RUBCN: variants seen among roughly 807,000 people sequenced by gnomAD.
RUBCN encodes the protein run domain Beclin-1-interacting and cysteine-rich domain-containing protein.
Under a neutral mutation model 113.2 loss-of-function variants are expected in RUBCN, and 74 were observed. That is an observed-to-expected ratio of 0.65 (90% CI 0.54 to 0.79). RUBCN has a LOEUF of 0.79. RUBCN is among the 30% of genes least tolerant of loss of function. RUBCN has a pLI of 0.00. For synonymous variants in RUBCN, 480 were observed against 490.0 expected, an observed-to-expected ratio of 0.98 and a Z score of 0.27; for missense variants, 1,109 against 1,251.7, an observed-to-expected ratio of 0.89 and a Z score of 1.72.
rs1411389188 is a variant in RUBCN at position 197,736,683 on chromosome 3, C to A, written c.37G>T (p.Gly13Cys). 2 of 1,532,182 alleles carry A rather than the reference C, an allele frequency of 1.3e-6. No individual in the cohort carries two copies. Among genetic ancestry groups the A allele is most frequent in the South Asian group, 1.2e-5 (1 of 83,882 alleles). The allele number at this position is 1,532,182 out of a possible 1,614,324, so 94.9% of individuals were successfully genotyped here. The change falls in exon 1 of 20, where the codon GGC becomes TGC. Residue 13 changes from glycine to cysteine, a missense_variant. Gly to Cys is a radical substitution (Grantham distance 159, BLOSUM62 -3). This residue lies in a region of RUBCN where 736 missense variants were observed against 779.6 expected (regional missense o/e 0.94). Transcript: ENST00000296343. ...CTCTCCTCAGGCAGGCGCTCCTCGC[C>A]GCCTCCGAGCTCCATTCCCGCGCCC... ...PEGAGMELGG[G>C]EERLPEESRR... is the part of the protein sequence containing the mutation.
chr3:197,675,188 C>T lies in RUBCN; in HGVS notation c.2749G>A (p.Ala917Thr), dbSNP rs1365459782. The change falls in exon 20 of 20, where the codon GCG becomes ACG. Residue 917 changes from alanine to threonine, a missense_variant. Ala to Thr is a moderately conservative substitution (Grantham distance 58). Transcript: ENST00000296343. The surrounding 1 kb of genome is among the most constrained non-coding windows in gnomAD (Gnocchi z 4.4). The part of the protein sequence containing the change: ...HKCRTCEECK[A>T]CYHKACFKSG... ...TTGAAGCAGGCTTTATGGTAACACGCTTTACACTCTACTCAGGTTGGGAAG... is the reference window on the plus strand; with the variant it reads ...TTGAAGCAGGCTTTATGGTAACACGTTTTACACTCTACTCAGGTTGGGAAG... 3.2e-5 allele frequency: 51 copies of T among 1,613,968 alleles called. No individual in the cohort carries two copies. The highest frequency in any genetic ancestry group is 4.2e-5 in the Non-Finnish European group (50 of 1,180,044).
At position 197,675,354 on chromosome 3, in the gene RUBCN, G is replaced by C. The variant is rs993816078; in HGVS notation, c.2740+68C>G. On this transcript the variant is annotated intron_variant, in intron 19 of 19. Transcript: ENST00000296343. The surrounding 1 kb of genome is among the most constrained non-coding windows in gnomAD (Gnocchi z 4.4). ...GTGGCACCGAACTCTTGCTAACAGG[G>C]GTGGCTCTGGGGAATCAAGGAGCCC... is the stretch of plus-strand genomic sequence containing the variant. The C allele has an allele frequency of 1.3e-6, 2 of 1,518,674 alleles. No homozygotes were observed. Among genetic ancestry groups the C allele is most frequent in the East Asian group, 2.2e-5 (1 of 44,458 alleles). The allele number at this position is 1,518,674 out of a possible 1,614,324, so 94.1% of individuals were successfully genotyped here. A position where few individuals can be genotyped will look rare whatever the true frequency, so the allele number is the denominator to read the frequency against.
At chr3:197,706,228 C>G (rs1007008566) in intron 2 of RUBCN, among the ~76,000 whole-genome samples, 6 of 152,162 alleles carry the variant, frequency 3.9e-5, no homozygotes, top group Admixed American at 2.6e-4. Context: ...ATGCCCAGAC[C>G]AGATGAAATG....
chr3:197,677,677 C>G (rs1478266006), intron 16 of RUBCN, 136 bp from the exon 17 acceptor site: 2 of 734,434 alleles, frequency 2.7e-6, no homozygotes, highest in Non-Finnish European at 4.8e-6. Context: ...GTCCTACGCT[C>G]TGACAACTGG....
chr3:197,716,191 G>C lies in RUBCN; in HGVS notation c.219+1786C>G, dbSNP rs185032963. Among the ~76,000 whole-genome samples, 6 of 152,246 alleles carry C rather than the reference G, an allele frequency of 3.9e-5. No individual in the cohort carries two copies. In the South Asian group the frequency reaches 1.2e-3, roughly 32 times the overall value. ...CGCTCAGGCTGGAGCGCGGTGGCACGGTCTCAGCTCACTGCAGCCTCCGCC... is the reference window on the plus strand; with the variant it reads ...CGCTCAGGCTGGAGCGCGGTGGCACCGTCTCAGCTCACTGCAGCCTCCGCC... On this transcript the variant is annotated intron_variant, in intron 2 of 19. Coordinates refer to ENST00000296343, the MANE Select transcript of RUBCN (RefSeq NM_014687.4).
chr3:197,696,779 G>C (rs557065655), intron 8 of RUBCN, among the ~76,000 whole-genome samples, 175 bp downstream of exon 8: 2 of 144,390 alleles, frequency 1.4e-5, no homozygotes, highest in East Asian at 4.2e-4. Flanking sequence ...CAAGAGAAAT[G>C]GCAGAGCAGT....
intron 11 of RUBCN, among the ~76,000 whole-genome samples, chr3:197,684,635 CTCTG>C (rs1721628155): frequency 6.6e-6 from 1 of 151,794 alleles, no homozygotes; most frequent in South Asian, 2.1e-4. Flanking sequence ...TAGGCAGTAA[CTCTG>C]TCTGGCTTAT....
rs1040713421 is a variant in RUBCN, at chr3:197,681,457, G to A, written c.2192-90C>T. The A allele has an allele frequency of 1.0e-6, 1 of 998,206 alleles. No homozygotes were observed. The highest frequency in any genetic ancestry group is 1.8e-5 in the Admixed American group (1 of 54,518). 61.8% of individuals were successfully genotyped at this position (998,206 alleles called of 1,614,324 possible). On this transcript the variant is annotated intron_variant, in intron 15 of 19. Coordinates refer to ENST00000296343, the MANE Select transcript of RUBCN (RefSeq NM_014687.4). The surrounding 1 kb of genome is among the most constrained non-coding windows in gnomAD (Gnocchi z 5.5). ...TCTGCTTTTCCCTTGAAAGGGCAGA[G>A]AGGGACAGCCAATGGCCTCCAGCAA...
chr3:197,725,441 T>C (rs1019323493), intron 1 of RUBCN, among the ~76,000 whole-genome samples: 1 of 151,650 alleles, frequency 6.6e-6, no homozygotes, highest in Non-Finnish European at 1.5e-5. Flanking sequence ...GACTCTCTTA[T>C]ATAGTCTCTC....
chr3:197,692,289 G>T (rs1722509221), intron 11 of RUBCN, among the ~76,000 whole-genome samples: 1 of 151,940 alleles, frequency 6.6e-6, no homozygotes, highest in Admixed American at 6.6e-5. Context: ...GACACCACGG[G>T]GGCAGGACGA....
rs1725274605 is a variant in RUBCN at position 197,714,272 on chromosome 3, T to G, written c.219+3705A>C. ...TAGGTTCTAACTGACTCCAAAGACT[T>G]TTGTCAGTCTATGATACAATGTTGC... On this transcript the variant is annotated intron_variant, in intron 2 of 19. Transcript: ENST00000296343. Among the ~76,000 whole-genome samples the G allele has an allele frequency of 1.3e-5, 2 of 152,090 alleles. 1 individual carries two copies. Among genetic ancestry groups the G allele is most frequent in the South Asian group, 4.1e-4 (2 of 4,824 alleles).
At position 197,681,616 on chromosome 3, in the gene RUBCN, A is replaced by T. The variant is rs1721248953; in HGVS notation, c.2191+219T>A. Among the ~76,000 whole-genome samples the T allele has an allele frequency of 1.3e-5, 2 of 152,196 alleles. No homozygotes were observed. Among genetic ancestry groups the T allele is most frequent in the Non-Finnish European group, 2.9e-5 (2 of 68,030 alleles). ...GATCCCGCCTTACCAGCTAGCTGGA[A>T]CTACCCAACTTTCCACAGGATACAA... On this transcript the variant is annotated intron_variant, in intron 15 of 19. Transcript: ENST00000296343. This position sits in a 1 kb window ranked among gnomAD's most constrained non-coding sequence, Gnocchi z 5.5.
chr3:197,736,814 C>T lies in RUBCN; in HGVS notation c.-95G>A. 1.4e-6 allele frequency: 2 copies of T among 1,442,286 alleles called. No individual in the cohort carries two copies. Among genetic ancestry groups the T allele is most frequent in the Non-Finnish European group, 1.8e-6 (2 of 1,106,788 alleles). The allele number at this position is 1,442,286 out of a possible 1,614,324, so 89.3% of individuals were successfully genotyped here. ...GGCCCCCTGGGGCCGGAGGAGGCAC[C>T]TGCGGCCGGTGGGCTCCGGGTGATG... On this transcript the variant is annotated 5_prime_UTR_variant, in exon 1 of 20. Coordinates refer to ENST00000296343, the MANE Select transcript of RUBCN (RefSeq NM_014687.4).
At chr3:197,734,785 A>G (rs1330279313) in intron 1 of RUBCN, among the ~76,000 whole-genome samples, 3 of 152,232 alleles carry the variant, frequency 2.0e-5, no homozygotes, top group South Asian at 2.1e-4. Context: ...AGACATCTGC[A>G]GGAAGAATAA....
In RUBCN at chr3:197,701,130, G is replaced by T. The variant is rs754449374; in HGVS notation, c.744C>A (p.Ser248=). The T allele has an allele frequency of 6.4e-7, 1 of 1,552,000 alleles. No homozygotes were observed. Among genetic ancestry groups the T allele is most frequent in the Admixed American group, 1.9e-5 (1 of 51,832 alleles). Residue 248 remains serine, a synonymous_variant, in exon 7 of 20, where the codon TCC becomes TCA. Coordinates refer to ENST00000296343, the MANE Select transcript of RUBCN (RefSeq NM_014687.4). The stretch of plus-strand genomic sequence containing the variant: ...TCCGGGGAGGGCCAGAGAGTGGAAA[G>T]GAAGTAGATCTTCTCTCTAGAATAT... ...PNNGSERRST[S]FPLSGPPRKP...
intron 11 of RUBCN, among the ~76,000 whole-genome samples, chr3:197,686,536 C>T (rs1721871073): frequency 6.6e-6 from 1 of 152,222 alleles, no homozygotes; most frequent in Non-Finnish European, 1.5e-5. Context: ...GCCTGCGCTG[C>T]AGCCCTCATC....
intron 1 of RUBCN, among the ~76,000 whole-genome samples, chr3:197,743,085 G>A (rs2109023734): frequency 6.6e-6 from 1 of 152,352 alleles, no homozygotes; most frequent in East Asian, 1.9e-4. Context: ...ACACAGAACT[G>A]ATGCTCAGGG....
At chr3:197,737,932 A>G (rs915925692), upstream of RUBCN, among the ~76,000 whole-genome samples, 7 of 152,144 alleles carry the variant, frequency 4.6e-5, no homozygotes, top group African/African-American at 1.7e-4. Context: ...TCTGTCGCCC[A>G]GGCTGGGGTG....
chr3:197,715,934 T>G (rs1006818997), intron 2 of RUBCN, among the ~76,000 whole-genome samples: 1 of 152,204 alleles, frequency 6.6e-6, no homozygotes, highest in Non-Finnish European at 1.5e-5. Context: ...GGGAACAAGA[T>G]GAAAATTCTA....
Sources: gnomAD v4.1 joint callset for allele counts (sites outside exome capture counted in the v4.1 genomes callset) on GRCh38, gnomAD v4.1.1 for gene constraint, gnomAD v4.1.1 regional missense constraint, Gnocchi (gnomAD v3.1) non-coding constraint, MANE v1.5 for transcripts, NCBI Gene and HGNC (gene_info 2026-07-23, HGNC 2026-07-21) for gene names.